TMEM131L: variants seen among roughly 807,000 people sequenced by gnomAD.
TMEM131L encodes transmembrane protein 131-like.
A neutral mutation model predicts 192.2 loss-of-function variants in TMEM131L; 54 were observed. The ratio of observed to expected loss-of-function variants is 0.28; its 90% CI spans 0.23 to 0.35. The LOEUF is 0.35. Ranked by LOEUF, TMEM131L falls within the 10% of genes least tolerant of loss-of-function variation. The pLI, the probability that TMEM131L is intolerant of heterozygous loss-of-function variation, is 1.00. For missense variants in TMEM131L, 1,888 were observed against 1,972.9 expected (o/e 0.96, Z 0.82); for synonymous variants, 701 against 704.9 (o/e 0.99, Z 0.09).
At chr4:153,597,954 TA>T (rs1003546061) in intron 20 of TMEM131L, among the ~76,000 whole-genome samples, 7 of 151,436 alleles carry the variant, frequency 4.6e-5, no homozygotes, top group African/African-American at 1.5e-4. Context: ...AATAAAAATT[TA>T]AAAAAAAATA....
intron 21 of TMEM131L, among the ~76,000 whole-genome samples, chr4:153,599,331 A>T (rs192986173): frequency 2.0e-4 from 30 of 152,200 alleles, no homozygotes; most frequent in Admixed American, 1.2e-3. Flanking sequence ...TGATCCATTG[A>T]CCTCCCATCA....
At chr4:153,470,423 G>A (rs1010902264) in intron 2 of TMEM131L, among the ~76,000 whole-genome samples, 3 of 152,058 alleles carry the variant, frequency 2.0e-5, no homozygotes, top group African/African-American at 4.8e-5. Flanking sequence ...CTCTATGATT[G>A]TAAAGTTGTA....
intron 3 of TMEM131L, among the ~76,000 whole-genome samples, chr4:153,537,671 C>A (rs1486449723): frequency 2.0e-5 from 3 of 152,152 alleles, no homozygotes. Context: ...TTTACTGCAA[C>A]CTGTTTCATC....
intron 3 of TMEM131L, among the ~76,000 whole-genome samples, chr4:153,524,379 C>T (rs1735336648): frequency 1.3e-5 from 2 of 152,146 alleles, no homozygotes; most frequent in South Asian, 4.1e-4. Flanking sequence ...GGTCTTCTCC[C>T]ACAACACTTT....
chr4:153,580,950 T>C, intron 8 of TMEM131L, 47 bp downstream of exon 8: 1 of 1,345,880 alleles, frequency 7.4e-7, no homozygotes, highest in Non-Finnish European at 1.1e-6. Flanking sequence ...CTCCTGCCTC[T>C]TTGCTTAAAA....
intron 3 of TMEM131L, among the ~76,000 whole-genome samples, chr4:153,546,908 C>G (rs1737220524): frequency 6.6e-6 from 1 of 152,224 alleles, no homozygotes; most frequent in Non-Finnish European, 1.5e-5. Context: ...ACGTGGGCAA[C>G]AAGAGTGAAA....
intron 25 of TMEM131L, among the ~76,000 whole-genome samples, chr4:153,604,972 G>A (rs1362311543): frequency 6.6e-6 from 1 of 152,018 alleles, no homozygotes; most frequent in African/African-American, 2.4e-5. Context: ...AGAAGTGCTG[G>A]GATTATAGGC....
intron 3 of TMEM131L, among the ~76,000 whole-genome samples, chr4:153,533,912 A>G (rs1736111956): frequency 1.3e-5 from 2 of 152,270 alleles, no homozygotes; most frequent in Admixed American, 1.3e-4. Context: ...TGAAAAAGAA[A>G]TATAACCAAC....
intron 7 of TMEM131L, among the ~76,000 whole-genome samples, chr4:153,569,828 A>G (rs928267452): frequency 1.3e-5 from 2 of 152,190 alleles, no homozygotes; most frequent in Non-Finnish European, 2.9e-5. Context: ...TTAACTTTTA[A>G]AAAGAACCTT....
intron 3 of TMEM131L, among the ~76,000 whole-genome samples, chr4:153,491,343 A>G (rs552514951): frequency 7.2e-5 from 11 of 152,268 alleles, no homozygotes; most frequent in Admixed American, 2.0e-4. Context: ...GTGTTTTGAG[A>G]TGGATTGGAG....
chr4:153,478,472 C>T (rs768015960), intron 3 of TMEM131L, among the ~76,000 whole-genome samples: 11 of 152,204 alleles, frequency 7.2e-5, no homozygotes, highest in Non-Finnish European at 1.2e-4. Flanking sequence ...GTATACCCCT[C>T]ACCCAGTGAA....
At chr4:153,518,276 C>T (rs574156382) in intron 3 of TMEM131L, among the ~76,000 whole-genome samples, 1 of 152,296 alleles carries the variant, frequency 6.6e-6, no homozygotes, top group East Asian at 1.9e-4. Context: ...CTCCTCATTT[C>T]CCGAGCACTT....
At position 153,518,214 on chromosome 4, in the gene TMEM131L, A is replaced by G. The variant is rs1734868423; in HGVS notation, c.240-31859A>G. 2.0e-5 allele frequency among the ~76,000 whole-genome samples: 3 copies of G among 152,298 alleles called. No homozygotes were observed. The South Asian group carries it at 6.2e-4, about 32-fold the overall frequency. On this transcript the variant is annotated intron_variant, in intron 3 of 34. Coordinates refer to ENST00000409959, the MANE Select transcript of TMEM131L (RefSeq NM_001131007.2). ...CGTTCTCACACAGTCCTTGGAACCAAGCATGCTGTGCACTGTGATTGTAGG... is the reference window on the plus strand; with the variant it reads ...CGTTCTCACACAGTCCTTGGAACCAGGCATGCTGTGCACTGTGATTGTAGG...
intron 1 of TMEM131L, among the ~76,000 whole-genome samples, chr4:153,466,984 C>T (rs1286141513): frequency 6.6e-6 from 1 of 152,068 alleles, no homozygotes. Context: ...AGCACGAGCA[C>T]CCCGAGCCTG....
intron 3 of TMEM131L, among the ~76,000 whole-genome samples, chr4:153,538,910 C>G (rs974021945): frequency 6.8e-6 from 1 of 146,836 alleles, no homozygotes; most frequent in African/African-American, 2.5e-5. Flanking sequence ...AGTTTGGAAA[C>G]TGCCGGCGCG....
At chr4:153,633,985 C>T (rs542138752) in intron 32 of TMEM131L, among the ~76,000 whole-genome samples, 1 of 152,314 alleles carries the variant, frequency 6.6e-6, no homozygotes, top group Admixed American at 6.5e-5. Context: ...GCTCCTAGTC[C>T]AGCCGTCCAT....
chr4:153,559,907 C>T (rs1007067978), intron 7 of TMEM131L, among the ~76,000 whole-genome samples: 3 of 152,224 alleles, frequency 2.0e-5, no homozygotes, highest in South Asian at 2.1e-4. Flanking sequence ...ACCACCTGTT[C>T]TTGGTCTCTA....
intron 18 of TMEM131L, 68 bp downstream of exon 18, chr4:153,592,652 C>T (rs77905853): frequency 1.9e-6 from 2 of 1,064,602 alleles, no homozygotes. Flanking sequence ...TACTTAATGT[C>T]CTACACTTTT....
intron 3 of TMEM131L, among the ~76,000 whole-genome samples, chr4:153,524,327 G>A (rs932027758): frequency 6.6e-6 from 1 of 152,068 alleles, no homozygotes; most frequent in African/African-American, 2.4e-5. Flanking sequence ...TGTGTGTGTC[G>A]GTTGAGGCCA....
Sources: allele counts gnomAD v4.1 joint callset (sites outside exome capture counted in the v4.1 genomes callset), GRCh38; gene constraint gnomAD v4.1.1; transcripts MANE v1.5; gene names NCBI Gene and HGNC (gene_info 2026-07-23, HGNC 2026-07-21).